Variants in KCTD8 observed in about 807,000 individuals in gnomAD.
KCTD8 encodes the protein BTB/POZ domain-containing protein KCTD8.
KCTD8 carries 27 observed loss-of-function variants against 31.5 expected under a neutral mutation model. That is an observed-to-expected ratio of 0.86 (90% CI 0.63 to 1.18). The LOEUF is 1.18. KCTD8 is among the 50% of genes most tolerant of loss of function. The pLI, the probability that KCTD8 is intolerant of heterozygous loss-of-function variation, is 0.00. For synonymous variants in KCTD8, 290 were observed against 280.0 expected, an observed-to-expected ratio of 1.04 and a Z score of -0.36; for missense variants, 658 against 647.7, an observed-to-expected ratio of 1.02 and a Z score of -0.17.
At chr4:44,215,332 T>C (rs187032069) in intron 1 of KCTD8, among the ~76,000 whole-genome samples, 214 of 152,318 alleles carry the variant, frequency 1.4e-3, no homozygotes, top group African/African-American at 5.0e-3. Context: ...AAAGGATTTT[T>C]TCTATTTAAA....
chr4:44,314,389 C>T (rs1331848779), intron 1 of KCTD8, among the ~76,000 whole-genome samples: 2 of 152,002 alleles, frequency 1.3e-5, no homozygotes, highest in African/African-American at 2.4e-5. Flanking sequence ...AGATTTGTAG[C>T]TGAAAAATAA....
chr4:44,447,555 G>A lies in KCTD8; in HGVS notation c.961+8C>T, dbSNP rs977643242. ...GGGTGCTGGGAAACGCCGGGGCTGC[G>A]AACTTACGGAAGAAAATGTACTCGG... On this transcript the variant is annotated splice_region_variant and intron_variant, in intron 1 of 1. Coordinates refer to ENST00000360029, the MANE Select transcript of KCTD8 (RefSeq NM_198353.3). The A allele has an allele frequency of 1.3e-6, 2 of 1,542,034 alleles. No individual in the cohort carries two copies. Among genetic ancestry groups the A allele is most frequent in the African/African-American group, 1.4e-5 (1 of 73,448 alleles).
At chr4:44,438,499 T>G (rs1424816215) in intron 1 of KCTD8, among the ~76,000 whole-genome samples, 2 of 152,202 alleles carry the variant, frequency 1.3e-5, no homozygotes, top group African/African-American at 4.8e-5. Context: ...TAAGTATTAT[T>G]TTTAATTGTG....
chr4:44,293,618 A>G (rs971717417), intron 1 of KCTD8: 1 of 319,406 alleles, frequency 3.1e-6, no homozygotes, highest in Admixed American at 4.4e-5. Flanking sequence ...CTAGTCTTTA[A>G]TTTTTTTTTT....
intron 1 of KCTD8, among the ~76,000 whole-genome samples, chr4:44,301,242 T>C (rs529712182): frequency 7.2e-5 from 11 of 152,348 alleles, no homozygotes; most frequent in Admixed American, 3.3e-4. Flanking sequence ...AGTAATGGGA[T>C]GGCTGGGTCA....
At position 44,268,879 on chromosome 4, in the gene KCTD8, T is replaced by G. The variant is rs368181043; in HGVS notation, c.962-93629A>C. Among the ~76,000 whole-genome samples, 209 of 151,978 alleles carry G rather than the reference T, an allele frequency of 1.4e-3. 8 individuals carry two copies. In the South Asian group the frequency reaches 0.038, roughly 27 times the overall value. ...AGGAGAACTACAAACCACTGCTCAA[T>G]GAAATAAAAGAGGATACAAAGAAAT... On this transcript the variant is annotated intron_variant, in intron 1 of 1. Transcript: ENST00000360029.
chr4:44,356,255 A>C (rs1041974480), intron 1 of KCTD8, among the ~76,000 whole-genome samples: 1 of 152,142 alleles, frequency 6.6e-6, no homozygotes, highest in Non-Finnish European at 1.5e-5. Context: ...ATTTAGTCAG[A>C]CCCCAAATAT....
chr4:44,269,598 C>T (rs1040164305), intron 1 of KCTD8, among the ~76,000 whole-genome samples: 27 of 152,028 alleles, frequency 1.8e-4, no homozygotes, highest in African/African-American at 6.0e-4. Flanking sequence ...TCAGAGTGAA[C>T]AGGTAACCTA....
intron 1 of KCTD8, among the ~76,000 whole-genome samples, chr4:44,277,762 A>G (rs1490445): frequency 0.23 from 35,161 of 151,740 alleles, 4,793 homozygotes; most frequent in Non-Finnish European, 0.31. Flanking sequence ...CTATGTAGAA[A>G]TAGTAAGAAC....
At chr4:44,317,070 G>T (rs1372971419) in intron 1 of KCTD8, among the ~76,000 whole-genome samples, 2 of 151,034 alleles carry the variant, frequency 1.3e-5, no homozygotes, top group Non-Finnish European at 3.0e-5. Flanking sequence ...CTGTAATTGG[G>T]CACAGAAGGA....
chr4:44,225,174 T>C (rs545241404), intron 1 of KCTD8, among the ~76,000 whole-genome samples: 2 of 152,348 alleles, frequency 1.3e-5, no homozygotes, highest in South Asian at 2.1e-4. Flanking sequence ...ACATTCAACC[T>C]TTGTAACACT....
chr4:44,334,413 T>TA (rs1718664748), intron 1 of KCTD8, among the ~76,000 whole-genome samples: 1 of 119,598 alleles, frequency 8.4e-6, no homozygotes. Flanking sequence ...AAATCCTCGC[T>TA]AGTTTTTTTA....
chr4:44,241,834 G>A (rs968897446), intron 1 of KCTD8, among the ~76,000 whole-genome samples: 2 of 152,128 alleles, frequency 1.3e-5, no homozygotes, highest in Non-Finnish European at 2.9e-5. Flanking sequence ...AAGTAACCTG[G>A]TAATGAAGAT....
intron 1 of KCTD8, among the ~76,000 whole-genome samples, chr4:44,207,792 G>A (rs1714359243): frequency 6.6e-6 from 1 of 152,152 alleles, no homozygotes; most frequent in African/African-American, 2.4e-5. Flanking sequence ...AAACTCCTTT[G>A]TAACAGAAAA....
At chr4:44,316,570 C>G (rs1487982212) in intron 1 of KCTD8, among the ~76,000 whole-genome samples, 1 of 151,822 alleles carries the variant, frequency 6.6e-6, no homozygotes, top group East Asian at 1.9e-4. Flanking sequence ...GATGATTACT[C>G]CCTTAAATTG....
chr4:44,231,907 C>G (rs1715129819), intron 1 of KCTD8, among the ~76,000 whole-genome samples: 1 of 152,112 alleles, frequency 6.6e-6, no homozygotes, highest in Non-Finnish European at 1.5e-5. Context: ...AGGCTGGCTA[C>G]TCAAAAACTC....
At chr4:44,290,866 T>C (rs1717252561) in intron 1 of KCTD8, among the ~76,000 whole-genome samples, 1 of 151,752 alleles carries the variant, frequency 6.6e-6, no homozygotes, top group Non-Finnish European at 1.5e-5. Flanking sequence ...GTTAGAAAGA[T>C]CTCAAATTAA....
chr4:44,341,848 T>C (rs1718906304), intron 1 of KCTD8, among the ~76,000 whole-genome samples: 1 of 152,200 alleles, frequency 6.6e-6, no homozygotes, highest in Non-Finnish European at 1.5e-5. Context: ...GCATCTCTAA[T>C]GGCAAATCCT....
chr4:44,428,695 C>G (rs1488303972), intron 1 of KCTD8, among the ~76,000 whole-genome samples: 1 of 151,762 alleles, frequency 6.6e-6, no homozygotes, highest in Non-Finnish European at 1.5e-5. Context: ...ATATAATTCC[C>G]TTCAACTCTA....
Sources: gnomAD v4.1 joint callset for allele counts (sites outside exome capture counted in the v4.1 genomes callset) on GRCh38, gnomAD v4.1.1 for gene constraint, MANE v1.5 for transcripts, NCBI Gene and HGNC (gene_info 2026-07-23, HGNC 2026-07-21) for gene names.